STAU2: variants seen among roughly 807,000 people sequenced by gnomAD.
The protein encoded by STAU2 is double-stranded RNA-binding protein Staufen homolog 2.
STAU2 carries 20 observed loss-of-function variants against 65.9 expected under a neutral mutation model. The ratio of observed to expected loss-of-function variants is 0.30; its 90% CI spans 0.21 to 0.44. The LOEUF (loss-of-function observed/expected upper bound fraction) is 0.44, where lower values mean the gene tolerates loss of function less well. Among genes scored for constraint, STAU2 ranks in the 20% least tolerant of loss-of-function variants. The pLI, the probability that STAU2 is intolerant of heterozygous loss-of-function variation, is 1.00. For missense variants in STAU2, 558 were observed against 683.9 expected, an observed-to-expected ratio of 0.82 and a Z score of 2.05; for synonymous variants, 232 against 233.9, an observed-to-expected ratio of 0.99 and a Z score of 0.07.
intron 6 of STAU2, among the ~76,000 whole-genome samples, chr8:73,631,762 G>A (rs1814103883): frequency 6.6e-6 from 1 of 152,094 alleles, no homozygotes; most frequent in Non-Finnish European, 1.5e-5. Flanking sequence ...CCTTGTAACT[G>A]AAGCCAAGAA....
intron 10 of STAU2, among the ~76,000 whole-genome samples, chr8:73,602,369 T>C (rs983293820): frequency 1.3e-5 from 2 of 152,178 alleles, no homozygotes; most frequent in African/African-American, 4.8e-5. Flanking sequence ...AAATGTGAGA[T>C]CCTTGGATTT....
intron 6 of STAU2, among the ~76,000 whole-genome samples, chr8:73,619,882 G>A (rs573401283): frequency 1.3e-5 from 2 of 152,014 alleles, no homozygotes; most frequent in Non-Finnish European, 2.9e-5. Context: ...AGAAAAAGTT[G>A]CTGTTTTAAA....
At chr8:73,610,129 A>C (rs1812336578) in intron 9 of STAU2, among the ~76,000 whole-genome samples, 1 of 152,038 alleles carries the variant, frequency 6.6e-6, no homozygotes, top group Non-Finnish European at 1.5e-5. Context: ...AAATACAAAA[A>C]ATTAGCTGTG....
intron 13 of STAU2, among the ~76,000 whole-genome samples, chr8:73,482,353 CTG>C (rs1563618395): frequency 6.8e-6 from 1 of 146,062 alleles, no homozygotes; most frequent in East Asian, 2.1e-4. Context: ...TAAAAAAAAA[CTG>C]TCTTTTTTTT....
Position 73,552,076 on chromosome 8 carries a change from G to A in STAU2, c.1466C>T (p.Pro489Leu), listed in dbSNP as rs772712043. ...AIGLKGSSPT[P>L]PCSPVQPSKQ... ...TGAAGGTTGTACTGGAGAACAAGGG[G>A]GAGTAGGAGAACTTCCTTTTAAACC... The change falls in exon 13 of 15, where the codon CCC becomes CTC. Residue 489 changes from proline to leucine, a missense_variant. This residue lies in a region of STAU2 where 247 missense variants were observed against 270.1 expected (regional missense o/e 0.91). Coordinates refer to ENST00000524300, the MANE Select transcript of STAU2 (RefSeq NM_001164380.2). 2 of 1,611,622 alleles carry A rather than the reference G, an allele frequency of 1.2e-6. No individual in the cohort carries two copies. Among genetic ancestry groups the A allele is most frequent in the Middle Eastern group, 1.7e-4 (1 of 6,052 alleles).
At chr8:73,547,718 T>C (rs1408427970) in intron 13 of STAU2, among the ~76,000 whole-genome samples, 1 of 152,220 alleles carries the variant, frequency 6.6e-6, no homozygotes, top group African/African-American at 2.4e-5. Context: ...AAATGTGTTT[T>C]GCTCATTGTA....
rs149130260 is a variant in STAU2, at chr8:73,432,333, G to A, written c.1531-9631C>T. 3.3e-4 allele frequency among the ~76,000 whole-genome samples: 51 copies of A among 152,290 alleles called. No homozygotes were observed. In the East Asian group the frequency reaches 9.1e-3, roughly 27 times the overall value. ...GAAATGAGAGGTTTTGAATGTAAATGTCTTCATCTGCAGTTGAGTATTCTC... is the reference window on the plus strand; with the variant it reads ...GAAATGAGAGGTTTTGAATGTAAATATCTTCATCTGCAGTTGAGTATTCTC... On this transcript the variant is annotated intron_variant, in intron 13 of 14. Coordinates refer to ENST00000524300, the MANE Select transcript of STAU2 (RefSeq NM_001164380.2).
chr8:73,468,739 T>A (rs529074722), intron 13 of STAU2, among the ~76,000 whole-genome samples: 1 of 151,894 alleles, frequency 6.6e-6, no homozygotes, highest in Non-Finnish European at 1.5e-5. Flanking sequence ...GAAATGCAAA[T>A]CAAAACCACA....
At chr8:73,574,018 T>G (rs1275531432) in intron 12 of STAU2, among the ~76,000 whole-genome samples, 1 of 152,204 alleles carries the variant, frequency 6.6e-6, no homozygotes, top group Admixed American at 6.5e-5. Flanking sequence ...GACAAAGGGC[T>G]GATATCCAGA....
At position 73,489,032 on chromosome 8, in the gene STAU2, TA is replaced by T. The variant is rs565781098; in HGVS notation, c.1530+62979del. Among the ~76,000 whole-genome samples, 673 of 152,142 alleles carry T rather than the reference TA, an allele frequency of 4.4e-3. 1 individual carries two copies. The highest frequency in any genetic ancestry group is 7.5e-3 in the Non-Finnish European group (509 of 67,942). The stretch of plus-strand genomic sequence containing the variant: ...CTTAAGGGATTTTCTAGAATAGTTT[TA>T]AAGAAAAGATGGGATGTACTGCTGT... On this transcript the variant is annotated intron_variant, in intron 13 of 14. Transcript: ENST00000524300.
intron 13 of STAU2, among the ~76,000 whole-genome samples, chr8:73,428,669 C>T (rs547308708): frequency 5.3e-5 from 8 of 152,172 alleles, no homozygotes; most frequent in African/African-American, 1.9e-4. Context: ...TTTAAAAAAT[C>T]GTTTTTAGGC....
intron 13 of STAU2, among the ~76,000 whole-genome samples, chr8:73,547,363 G>A (rs903332433): frequency 6.6e-6 from 1 of 151,460 alleles, no homozygotes; most frequent in Admixed American, 6.6e-5. Flanking sequence ...TTTTTTACAG[G>A]GTTTAAAATT....
At chr8:73,632,946 T>C (rs1022971272) in intron 6 of STAU2, among the ~76,000 whole-genome samples, 4 of 152,168 alleles carry the variant, frequency 2.6e-5, no homozygotes, top group African/African-American at 9.7e-5. Flanking sequence ...GGGAAAAGTT[T>C]AGAGTAAATG....
At chr8:73,572,697 G>GC (rs1329972363) in intron 12 of STAU2, among the ~76,000 whole-genome samples, 1 of 152,134 alleles carries the variant, frequency 6.6e-6, no homozygotes, top group African/African-American at 2.4e-5. Flanking sequence ...AAATTCAACA[G>GC]CCCTTCATGC....
chr8:73,680,232 G>A (rs1818336413), intron 5 of STAU2, among the ~76,000 whole-genome samples: 1 of 151,960 alleles, frequency 6.6e-6, no homozygotes, highest in South Asian at 2.1e-4. Context: ...AGGCATGGAA[G>A]GGCAAGGCCT....
intron 3 of STAU2, among the ~76,000 whole-genome samples, chr8:73,715,000 G>A (rs1003184852): frequency 3.3e-5 from 5 of 150,244 alleles, no homozygotes; most frequent in Non-Finnish European, 7.4e-5. Flanking sequence ...AGAATCACTT[G>A]AACCCGGGAG....
intron 13 of STAU2, chr8:73,511,312 T>G (rs1183954539): frequency 6.5e-6 from 1 of 153,084 alleles, no homozygotes; most frequent in Non-Finnish European, 1.5e-5. Context: ...CTACCCCTCC[T>G]CCTCATCTTC....
At chr8:73,643,284 T>C (rs777590495) in intron 6 of STAU2, among the ~76,000 whole-genome samples, 9 of 152,188 alleles carry the variant, frequency 5.9e-5, no homozygotes, top group Non-Finnish European at 1.2e-4. Context: ...ATAGCAAATA[T>C]GGTAAAGACC....
intron 4 of STAU2, among the ~76,000 whole-genome samples, chr8:73,690,083 C>T (rs1238705908): frequency 6.6e-6 from 1 of 151,632 alleles, no homozygotes; most frequent in East Asian, 1.9e-4. Flanking sequence ...AATCCCAGCA[C>T]TTTGGGAGGC....
Sources: allele counts gnomAD v4.1 joint callset (sites outside exome capture counted in the v4.1 genomes callset), GRCh38; gene constraint gnomAD v4.1.1; regional missense constraint gnomAD v4.1.1; transcripts MANE v1.5; gene names NCBI Gene and HGNC (gene_info 2026-07-23, HGNC 2026-07-21).